Variants in LSS observed in about 807,000 individuals in gnomAD.
The protein encoded by LSS is lanosterol synthase.
A neutral mutation model predicts 110.3 loss-of-function variants in LSS; 90 were observed. The ratio of observed to expected loss-of-function variants is 0.82; its 90% CI spans 0.69 to 0.97. The LOEUF is 0.97. Among genes scored for constraint, LSS ranks in the 50% least tolerant of loss-of-function variants. LSS has a pLI of 0.00. For synonymous variants in LSS, 433 were observed against 400.0 expected, an observed-to-expected ratio of 1.08 and a Z score of -0.98; for missense variants, 927 against 990.0, an observed-to-expected ratio of 0.94 and a Z score of 0.85.
chr21:46,197,890 AAAAAAAC>A (rs992386314), intron 17 of LSS, among the ~76,000 whole-genome samples: 57 of 152,000 alleles, frequency 3.8e-4, no homozygotes, highest in Non-Finnish European at 6.9e-4. Context: ...GTCTCAAAAA[AAAAAAAC>A]AAAAAACAAA....
At chr21:46,215,354 G>A in intron 8 of LSS, 56 bp from the exon 9 acceptor site, 1 of 1,244,710 alleles carries the variant, frequency 8.0e-7, no homozygotes, top group East Asian at 2.4e-5. Flanking sequence ...CCTCAGCCTG[G>A]AGCTCCATGC....
rs1168113836 is a variant in LSS at position 46,209,521 on chromosome 21, C to T, written c.1266+33G>A. 1.9e-6 allele frequency: 3 copies of T among 1,575,136 alleles called. No homozygotes were observed. The highest frequency in any genetic ancestry group is 1.2e-5 in the South Asian group (1 of 85,956). On this transcript the variant is annotated intron_variant, in intron 13 of 21. Transcript: ENST00000397728. The surrounding 1 kb of genome is among the most constrained non-coding windows in gnomAD (Gnocchi z 4.4). ...AGCTCCCAGCCCTGATCCCCCTCTT[C>T]AGCCCCCTCAGAGCCCCAGGCACCG...
rs1227064387 is a variant in LSS at position 46,190,176 on chromosome 21, G to GTGCCCC, written c.*922_*927dup. On this transcript the variant is annotated 3_prime_UTR_variant, in exon 22 of 22. Transcript: ENST00000397728. The surrounding 1 kb of genome is among the most constrained non-coding windows in gnomAD (Gnocchi z 4.6). ...GTGCTGGCTGTCCCTGCACATAGCA[G>GTGCCCC]TGCCCCGCGGCAGTAACTACAACTG... 3 of 192,772 alleles carry GTGCCCC rather than the reference G, an allele frequency of 1.6e-5. No individual in the cohort carries two copies. Among genetic ancestry groups the GTGCCCC allele is most frequent in the African/African-American group, 7.4e-5 (3 of 40,390 alleles). 11.9% of individuals were successfully genotyped at this position (192,772 alleles called of 1,614,324 possible).
intron 17 of LSS, 54 bp from the exon 18 acceptor site, chr21:46,196,321 T>C (rs1194714220): frequency 7.1e-7 from 1 of 1,401,826 alleles, no homozygotes; most frequent in South Asian, 1.2e-5. Flanking sequence ...AGTTTACCTA[T>C]CCCAATTCCA....
At chr21:46,217,975 C>T (rs1317832017) in intron 6 of LSS, among the ~76,000 whole-genome samples, 1 of 152,226 alleles carries the variant, frequency 6.6e-6, no homozygotes, top group Non-Finnish European at 1.5e-5. Context: ...CTCACCATCC[C>T]TGTGCCTCCC....
rs1251632358 is a variant in LSS at position 46,188,635 on chromosome 21, G to C, written c.*2469C>G. On this transcript the variant is annotated 3_prime_UTR_variant, in exon 22 of 22. Coordinates refer to ENST00000397728, the MANE Select transcript of LSS (RefSeq NM_002340.6). Reference sequence around the variant, plus strand: ...GGGGAGGAACAGACTCCTCTGCATTGTGATCCAATTGTGAACAAAAAGTCC... The same window carrying C: ...GGGGAGGAACAGACTCCTCTGCATTCTGATCCAATTGTGAACAAAAAGTCC... 8.5e-6 allele frequency: 4 copies of C among 470,666 alleles called. No individual in the cohort carries two copies. Among genetic ancestry groups the C allele is most frequent in the Non-Finnish European group, 1.8e-5 (4 of 227,004 alleles). 29.2% of individuals were successfully genotyped at this position (470,666 alleles called of 1,614,324 possible).
chr21:46,216,270 G>A lies in LSS; in HGVS notation c.783+119C>T. On this transcript the variant is annotated intron_variant, in intron 7 of 21. Coordinates refer to ENST00000397728, the MANE Select transcript of LSS (RefSeq NM_002340.6). This position sits in a 1 kb window ranked among gnomAD's most constrained non-coding sequence, Gnocchi z 4.2. ...GGAAGGTGGAGGCTCTGCTCCACAGGGCTCTCCGCTCCACAGGGCCACCAG... is the reference window on the plus strand; with the variant it reads ...GGAAGGTGGAGGCTCTGCTCCACAGAGCTCTCCGCTCCACAGGGCCACCAG... 1.6e-6 allele frequency: 2 copies of A among 1,280,594 alleles called. No homozygotes were observed. The highest frequency in any genetic ancestry group is 1.5e-5 in the African/African-American group (1 of 68,040). The allele number at this position is 1,280,594 out of a possible 1,614,324, so 79.3% of individuals were successfully genotyped here.
chr21:46,195,806 G>C (rs775485146), intron 18 of LSS, 50 bp from the exon 19 acceptor site: 5 of 1,487,404 alleles, frequency 3.4e-6, no homozygotes, highest in Middle Eastern at 1.7e-4. Context: ...TTCACAGCCG[G>C]TGTGTGAAAC....
Position 46,205,849 on chromosome 21 carries a change from C to A in LSS, c.1657G>T (p.Ala553Ser), listed in dbSNP as rs755734167. 1 of 1,606,490 alleles carries A rather than the reference C, an allele frequency of 6.2e-7. No homozygotes were observed. The highest frequency in any genetic ancestry group is 1.7e-5 in the Admixed American group (1 of 58,948). ...GACCCTCCTTACCGGATCTCCGCTG[C>A]CCTGTGCTCCGGGAAACGCTTGTGG... Reference protein sequence around the residue: ...YFHKRFPEHRAAEIRETLTQG... With the variant: ...YFHKRFPEHRSAEIRETLTQG... The change falls in exon 17 of 22, where the codon GCA (alanine) becomes TCA (serine). Residue 553 changes from alanine (A) to serine (S), a missense_variant. By Grantham distance (99) the Ala-to-Ser change is moderately conservative. Coordinates refer to ENST00000397728, the MANE Select transcript of LSS (RefSeq NM_002340.6).
intron 5 of LSS, among the ~76,000 whole-genome samples, chr21:46,221,547 C>T (rs1228147526): frequency 1.3e-5 from 2 of 152,072 alleles, no homozygotes; most frequent in Non-Finnish European, 2.9e-5. Flanking sequence ...TTGTAGAGAC[C>T]AGGTCTCACT....
intron 8 of LSS, among the ~76,000 whole-genome samples, 170 bp downstream of exon 8, chr21:46,215,515 G>A (rs768237963): frequency 6.6e-6 from 1 of 151,520 alleles, no homozygotes; most frequent in African/African-American, 2.4e-5. Flanking sequence ...GAGAGTAGAA[G>A]ACCAGCTGGT....
chr21:46,206,670 A>C lies in LSS; in HGVS notation c.1564+2T>G. The C allele has an allele frequency of 6.2e-7, 1 of 1,611,394 alleles. No individual in the cohort carries two copies. The highest frequency in any genetic ancestry group is 1.1e-5 in the South Asian group (1 of 91,074). On this transcript the variant is annotated splice_donor_variant, in intron 16 of 21. Transcript: ENST00000397728. LOFTEE classifies it high-confidence loss of function. ...GCGCCGCAGTGCTGGCCGACCACTC[A>C]CCGAAGACCTCCGAGGGGTTCAGCA...
chr21:46,196,702 G>A (rs1015034734), intron 17 of LSS, among the ~76,000 whole-genome samples: 2 of 152,238 alleles, frequency 1.3e-5, no homozygotes, highest in African/African-American at 4.8e-5. Flanking sequence ...GAAAAGGCCA[G>A]AGCGAAGTGT....
chr21:46,217,139 CG>C (rs949046534), intron 6 of LSS, among the ~76,000 whole-genome samples: 1 of 148,272 alleles, frequency 6.7e-6, no homozygotes, highest in Non-Finnish European at 1.5e-5. Flanking sequence ...CCCAGCTACT[CG>C]GGAGGCTGAG....
chr21:46,215,146 G>A lies in LSS; in HGVS notation c.1011+34C>T, dbSNP rs774132747. 7 of 1,571,022 alleles carry A rather than the reference G, an allele frequency of 4.5e-6. No individual in the cohort carries two copies. The Admixed American group carries it at 5.0e-5, about 11-fold the overall frequency. ...TTCACTTTCGGACCTCAACCCCCAG[G>A]GGCTGCAGTCAGAGGCCGGGCAGGG... is the stretch of plus-strand genomic sequence containing the variant. On this transcript the variant is annotated intron_variant, in intron 9 of 21. Transcript: ENST00000397728.
chr21:46,193,181 CTG>C (rs2079851799), intron 20 of LSS: 10 of 450,868 alleles, frequency 2.2e-5, no homozygotes, highest in Non-Finnish European at 3.5e-5. Flanking sequence ...GTACCTATGT[CTG>C]TGTGTGGCAC....
chr21:46,214,541 G>A (rs1311283632), intron 9 of LSS, among the ~76,000 whole-genome samples: 1 of 152,208 alleles, frequency 6.6e-6, no homozygotes, highest in African/African-American at 2.4e-5. Flanking sequence ...TCCAGAGAAT[G>A]CCTAAGCCAA....
rs369175403 is a variant in LSS at position 46,216,378 on chromosome 21, T to C, written c.783+11A>G. On this transcript the variant is annotated intron_variant, in intron 7 of 21. Coordinates refer to ENST00000397728, the MANE Select transcript of LSS (RefSeq NM_002340.6). The surrounding 1 kb of genome is among the most constrained non-coding windows in gnomAD (Gnocchi z 4.2). ...CAGAGGCCTTCACTTTGTTCCCTGA[T>C]GAGGTCCTACCTGGCGGAGGCTCTG... 1.5e-5 allele frequency: 25 copies of C among 1,613,348 alleles called. No homozygotes were observed. Among genetic ancestry groups the C allele is most frequent in the Non-Finnish European group, 2.0e-5 (24 of 1,179,850 alleles).
intron 17 of LSS, among the ~76,000 whole-genome samples, chr21:46,199,206 T>C (rs529611740): frequency 6.6e-6 from 1 of 152,294 alleles, no homozygotes; most frequent in African/African-American, 2.4e-5. Context: ...AATTTAAAAA[T>C]GAGCCAAAGA....
Sources: allele counts gnomAD v4.1 joint callset (sites outside exome capture counted in the v4.1 genomes callset), GRCh38; gene constraint gnomAD v4.1.1; non-coding constraint Gnocchi (gnomAD v3.1); transcripts MANE v1.5; gene names NCBI Gene and HGNC (gene_info 2026-07-23, HGNC 2026-07-21).